Variants in ACTR3C observed in about 807,000 individuals in gnomAD.
ACTR3C encodes the protein actin-related protein 3C.
A neutral mutation model predicts 26.3 loss-of-function variants in ACTR3C; 18 were observed. The ratio of observed to expected loss-of-function variants is 0.68; its 90% CI spans 0.47 to 1.01. The LOEUF (loss-of-function observed/expected upper bound fraction) is 1.01. ACTR3C is among the 50% of genes least tolerant of loss of function. The probability of loss-of-function intolerance (pLI) is 0.00; values close to 1 mark genes in which losing one functional copy is unlikely to be tolerated. For missense variants in ACTR3C, 184 were observed against 250.7 expected, an observed-to-expected ratio of 0.73 and a Z score of 1.80; for synonymous variants, 55 against 94.5, an observed-to-expected ratio of 0.58 and a Z score of 2.42.
chr7:150,210,966 T>A, the ACTR3C span, among the ~76,000 whole-genome samples: 1 of 146,752 alleles, frequency 6.8e-6, no homozygotes, highest in Admixed American at 6.6e-5. Context: ...GGTAATAATC[T>A]TCTTTTGTCC....
chr7:150,138,876 C>T, the ACTR3C span, among the ~76,000 whole-genome samples: 1 of 152,304 alleles, frequency 6.6e-6, no homozygotes, highest in Non-Finnish European at 1.5e-5. Context: ...GAGTGCAAAC[C>T]CTACTGTGAA....
chr7:150,041,914 G>GT, the ACTR3C span, among the ~76,000 whole-genome samples: 8 of 149,768 alleles, frequency 5.3e-5, no homozygotes, highest in South Asian at 2.1e-4. Flanking sequence ...CAGAGCCAGG[G>GT]GGGGAAGAGG....
the ACTR3C span, among the ~76,000 whole-genome samples, chr7:150,026,972 T>C: frequency 6.6e-6 from 1 of 152,050 alleles, no homozygotes; most frequent in Non-Finnish European, 1.5e-5. Context: ...TGTCTCACTT[T>C]TTAAAGGAGA....
chr7:150,127,634 T>A, the ACTR3C span, among the ~76,000 whole-genome samples: 1 of 152,188 alleles, frequency 6.6e-6, no homozygotes. Context: ...TACCAACAAC[T>A]AGAAAGCAGA....
At chr7:150,075,847 G>A in the ACTR3C span, among the ~76,000 whole-genome samples, 1 of 152,126 alleles carries the variant, frequency 6.6e-6, no homozygotes, top group Non-Finnish European at 1.5e-5. Context: ...GGTACCTGGC[G>A]AGAAAAGTAG....
the ACTR3C span, among the ~76,000 whole-genome samples, chr7:149,985,999 C>T: frequency 1.3e-5 from 2 of 152,024 alleles, no homozygotes; most frequent in African/African-American, 4.8e-5. Context: ...TAACCTCTTG[C>T]TTTCTCTTGT....
the ACTR3C span, among the ~76,000 whole-genome samples, chr7:149,902,187 C>T: frequency 6.6e-6 from 1 of 151,850 alleles, no homozygotes; most frequent in Non-Finnish European, 1.5e-5. Context: ...CAGTATATTT[C>T]TCAAAAGACT....
chr7:150,125,093 A>G, the ACTR3C span, among the ~76,000 whole-genome samples: 4 of 152,176 alleles, frequency 2.6e-5, no homozygotes, highest in Admixed American at 6.5e-5. Flanking sequence ...TTTGCAATTA[A>G]GATGTAAAGA....
At chr7:149,939,150 T>A in the ACTR3C span, among the ~76,000 whole-genome samples, 2 of 151,978 alleles carry the variant, frequency 1.3e-5, no homozygotes, top group Non-Finnish European at 2.9e-5. Context: ...CCAGCTAATT[T>A]TGCATTTTTA....
At position 150,249,018 on chromosome 7, in the gene ACTR3C, C is replaced by T. The variant is rs1415237932; in HGVS notation, c.601G>A (p.Gly201Arg). ...QIPLSYPQGH[G>R]FHPLSPPFH ...AATGGAGGTGACAGAGGATGGAATC[C>T]GTGACCTTGAGGATAGCTCAGTGGA... Residue 201 changes from glycine to arginine, a missense_variant, in exon 7 of 8, where the codon GGA (glycine) becomes AGA (arginine). Physicochemically the swap from Gly to Arg is moderately radical, Grantham distance 125. Transcript: ENST00000683684. The T allele has an allele frequency of 7.3e-6, 5 of 685,224 alleles. No homozygotes were observed. The highest frequency in any genetic ancestry group is 2.3e-4 in the Middle Eastern group (1 of 4,330). The allele number at this position is 685,224 out of a possible 1,614,324, so 42.4% of individuals were successfully genotyped here. A position where few individuals can be genotyped will look rare whatever the true frequency, so the allele number is the denominator to read the frequency against.
chr7:149,982,848 CT>C, the ACTR3C span, among the ~76,000 whole-genome samples: 1 of 151,360 alleles, frequency 6.6e-6, no homozygotes, highest in Non-Finnish European at 1.5e-5. Context: ...ATAATTTTAT[CT>C]TTTTCTCATT....
chr7:150,208,754 T>C, the ACTR3C span, among the ~76,000 whole-genome samples: 1 of 152,110 alleles, frequency 6.6e-6, no homozygotes, highest in African/African-American at 2.4e-5. Context: ...ATATCTGGCA[T>C]CCAATCAAAA....
chr7:149,982,091 T>G, the ACTR3C span, among the ~76,000 whole-genome samples: 2 of 152,200 alleles, frequency 1.3e-5, no homozygotes, highest in African/African-American at 4.8e-5. Context: ...AGAAGCCTCC[T>G]GGGTGCAGGT....
At chr7:150,148,153 T>TAA in the ACTR3C span, among the ~76,000 whole-genome samples, 23,939 of 114,568 alleles carry the variant, frequency 0.21, 2,441 homozygotes, top group East Asian at 0.4. Flanking sequence ...GCTTAAAAGT[T>TAA]AAAAAAAAAA....
chr7:150,034,894 G>GA, the ACTR3C span, among the ~76,000 whole-genome samples: 1 of 120,232 alleles, frequency 8.3e-6, no homozygotes, highest in Admixed American at 8.1e-5. Flanking sequence ...CCTACCTCGC[G>GA]GGGGGTGCCT....
chr7:150,260,304 A>G (rs1439514080), intron 6 of ACTR3C, among the ~76,000 whole-genome samples: 1 of 150,592 alleles, frequency 6.6e-6, no homozygotes, highest in African/African-American at 2.5e-5. Context: ...ATTAGCACAC[A>G]AAAATGGTCA....
chr7:150,240,304 T>C (rs560711240), downstream of ACTR3C, among the ~76,000 whole-genome samples: 1 of 152,358 alleles, frequency 6.6e-6, no homozygotes, highest in African/African-American at 2.4e-5. Context: ...TTTTTAATGA[T>C]ACCAAATGGA....
At chr7:150,003,251 T>C in the ACTR3C span, among the ~76,000 whole-genome samples, 1 of 152,332 alleles carries the variant, frequency 6.6e-6, no homozygotes, top group Non-Finnish European at 1.5e-5. Flanking sequence ...TGCATTTGTG[T>C]GTGTGGTTTG....
chr7:150,074,220 A>T, the ACTR3C span: 5 of 152,196 alleles, frequency 3.3e-5, no homozygotes, highest in African/African-American at 1.2e-4. Flanking sequence ...GTTCCCTGAG[A>T]CTACTCTAAA....
Sources: gnomAD v4.1 joint callset for allele counts (sites outside exome capture counted in the v4.1 genomes callset) on GRCh38, gnomAD v4.1.1 for gene constraint, MANE v1.5 for transcripts, NCBI Gene and HGNC (gene_info 2026-07-23, HGNC 2026-07-21) for gene names.